The following METTL2A variants were observed in gnomAD, a reference collection of about 807,000 sequenced individuals.
METTL2A encodes the protein tRNA N(3)-cytidine methyltransferase METTL2A.
Under a neutral mutation model 49.4 loss-of-function variants are expected in METTL2A, and 45 were observed. That is an observed-to-expected ratio of 0.91 (90% confidence interval 0.72 to 1.17). The LOEUF is 1.17. Ranked by LOEUF, METTL2A falls within the 50% of genes most tolerant of loss-of-function variation. The pLI, the probability that METTL2A is intolerant of heterozygous loss-of-function variation, is 0.00. For synonymous variants in METTL2A, 118 were observed against 167.5 expected (o/e 0.70, Z 2.28); for missense variants, 361 against 462.2 (o/e 0.78, Z 2.01).
chr17:62,439,378 T>G (rs2070722759), intron 5 of METTL2A, among the ~76,000 whole-genome samples: 1 of 152,178 alleles, frequency 6.6e-6, no homozygotes, highest in African/African-American at 2.4e-5. Flanking sequence ...GTGCTGGGAT[T>G]CTAGGCGTGA....
intron 5 of METTL2A, among the ~76,000 whole-genome samples, chr17:62,437,926 C>T (rs942190766): frequency 4.0e-5 from 6 of 151,072 alleles, no homozygotes; most frequent in African/African-American, 1.5e-4. Flanking sequence ...GAGCCGAGAT[C>T]GCACCACTGC....
At chr17:62,427,516 T>C (rs868618355) in intron 3 of METTL2A, among the ~76,000 whole-genome samples, 2 of 152,200 alleles carry the variant, frequency 1.3e-5, no homozygotes, top group Admixed American at 6.5e-5. Flanking sequence ...TACAGGACCA[T>C]TTGCTAGAAC....
intron 5 of METTL2A, among the ~76,000 whole-genome samples, chr17:62,436,354 C>G (rs929842702): frequency 1.3e-5 from 2 of 152,100 alleles, no homozygotes; most frequent in Non-Finnish European, 2.9e-5. Flanking sequence ...CAAGACTGGC[C>G]TAGGCAACAT....
chr17:62,442,889 G>C (rs909625586), intron 6 of METTL2A, among the ~76,000 whole-genome samples: 1 of 152,188 alleles, frequency 6.6e-6, no homozygotes, highest in Non-Finnish European at 1.5e-5. Flanking sequence ...TGAGATCCTG[G>C]TTTATCTCCC....
intron 8 of METTL2A, 123 bp from the exon 9 acceptor site, chr17:62,448,452 C>G: frequency 6.7e-7 from 1 of 1,496,046 alleles, no homozygotes; most frequent in Admixed American, 2.4e-5. Context: ...CATTTATAAC[C>G]AAATGGCCAT....
chr17:62,427,318 T>C (rs1023939990), intron 3 of METTL2A, among the ~76,000 whole-genome samples: 1 of 152,196 alleles, frequency 6.6e-6, no homozygotes, highest in Non-Finnish European at 1.5e-5. Flanking sequence ...AGATAATGTA[T>C]GTAAAAGGGC....
At chr17:62,437,120 T>C (rs1006234290) in intron 5 of METTL2A, among the ~76,000 whole-genome samples, 4 of 150,082 alleles carry the variant, frequency 2.7e-5, no homozygotes, top group African/African-American at 4.9e-5. Context: ...TTCAGTCACA[T>C]CTTCAGGCTT....
chr17:62,440,449 C>T (rs550508945), intron 5 of METTL2A, among the ~76,000 whole-genome samples, 168 bp from the exon 6 acceptor site: 2 of 151,950 alleles, frequency 1.3e-5, no homozygotes, highest in African/African-American at 4.8e-5. Context: ...AGTTTGAGGC[C>T]AGCCTGGGCA....
chr17:62,441,279 G>A (rs2070737256), intron 6 of METTL2A, among the ~76,000 whole-genome samples: 1 of 152,152 alleles, frequency 6.6e-6, no homozygotes, highest in Non-Finnish European at 1.5e-5. Context: ...GCAGTAGTTG[G>A]TTCTTCATTT....
intron 4 of METTL2A, among the ~76,000 whole-genome samples, chr17:62,433,698 C>T (rs1345362307): frequency 1.3e-5 from 2 of 151,298 alleles, no homozygotes; most frequent in Non-Finnish European, 2.9e-5. Flanking sequence ...TGAGATTGCG[C>T]CACTGTACTC....
In METTL2A at chr17:62,451,630, G is replaced by T. The variant is rs558707381; in HGVS notation, c.*2901G>T. On this transcript the variant is annotated 3_prime_UTR_variant, in exon 9 of 9. Transcript: ENST00000311506. The stretch of plus-strand genomic sequence containing the variant: ...ATACAGACCTGGCACGGTGGCTCAC[G>T]CCTGTAATCCCAGCACTTTGAGAGA... Among the ~76,000 whole-genome samples the T allele has an allele frequency of 2.0e-5, 3 of 151,564 alleles. No individual in the cohort carries two copies. The highest frequency in any genetic ancestry group is 3.9e-4 in the East Asian group (2 of 5,098).
intron 5 of METTL2A, among the ~76,000 whole-genome samples, chr17:62,436,996 CTT>C (rs2070705035): frequency 6.6e-6 from 1 of 152,078 alleles, no homozygotes. Flanking sequence ...CAATAAACCA[CTT>C]TCTTTGCCCA....
chr17:62,428,444 T>G (rs969959466), intron 4 of METTL2A, among the ~76,000 whole-genome samples: 2 of 152,204 alleles, frequency 1.3e-5, no homozygotes, highest in Non-Finnish European at 2.9e-5. Context: ...TACTTGGAGT[T>G]GGTGTCAGAT....
intron 6 of METTL2A, among the ~76,000 whole-genome samples, chr17:62,444,362 C>T (rs2070755447): frequency 6.6e-6 from 1 of 152,246 alleles, no homozygotes; most frequent in African/African-American, 2.4e-5. Flanking sequence ...TCACTGCAAC[C>T]TCCACCTCCC....
intron 5 of METTL2A, among the ~76,000 whole-genome samples, chr17:62,439,885 A>G (rs1394298274): frequency 6.6e-6 from 1 of 152,130 alleles, no homozygotes; most frequent in African/African-American, 2.4e-5. Flanking sequence ...GGAGTCAGGA[A>G]TGTTCTATTT....
intron 2 of METTL2A, 81 bp from the exon 3 acceptor site, chr17:62,426,218 G>A: frequency 2.2e-6 from 3 of 1,355,974 alleles, no homozygotes; most frequent in Non-Finnish European, 3.0e-6. Context: ...AGTGACATTT[G>A]GTAAAGCAGG....
intron 7 of METTL2A, among the ~76,000 whole-genome samples, chr17:62,446,526 T>C (rs1193516464): frequency 6.6e-6 from 1 of 151,998 alleles, no homozygotes; most frequent in African/African-American, 2.4e-5. Context: ...TTGGTCAGGC[T>C]GGTCTCGAAC....
chr17:62,451,812 T>C lies in METTL2A; in HGVS notation c.*3083T>C, dbSNP rs2070807446. 6.0e-5 allele frequency among the ~76,000 whole-genome samples: 9 copies of C among 151,042 alleles called. No individual in the cohort carries two copies. In the South Asian group the frequency reaches 1.9e-3, roughly 32 times the overall value. On this transcript the variant is annotated 3_prime_UTR_variant, in exon 9 of 9. Transcript: ENST00000311506. Reference sequence around the variant, plus strand: ...GGCTGAGGCAGGAGAATCACTTGAATCTGGGAGGCGGAGGTTGCAGTGAGC... The same window carrying C: ...GGCTGAGGCAGGAGAATCACTTGAACCTGGGAGGCGGAGGTTGCAGTGAGC...
intron 4 of METTL2A, among the ~76,000 whole-genome samples, chr17:62,431,731 T>G (rs1202661347): frequency 6.6e-6 from 1 of 152,132 alleles, no homozygotes; most frequent in Non-Finnish European, 1.5e-5. Flanking sequence ...TTGTTTTGTT[T>G]TGGTTTTGAG....
Sources: allele counts gnomAD v4.1 joint callset (sites outside exome capture counted in the v4.1 genomes callset), GRCh38; gene constraint gnomAD v4.1.1; transcripts MANE v1.5; gene names NCBI Gene and HGNC (gene_info 2026-07-23, HGNC 2026-07-21).